Variants in ANXA4 observed in about 807,000 individuals in gnomAD.
The protein encoded by ANXA4 is annexin A4.
A neutral mutation model predicts 49.8 loss-of-function variants in ANXA4; 39 were observed. That is an observed-to-expected ratio of 0.78 (90% confidence interval 0.61 to 1.02). ANXA4 has a LOEUF of 1.02. Among genes scored for constraint, ANXA4 ranks in the 50% least tolerant of loss-of-function variants. ANXA4 has a pLI of 0.00. For missense variants in ANXA4, 360 were observed against 410.1 expected (o/e 0.88, Z 1.05); for synonymous variants, 134 against 152.5 (o/e 0.88, Z 0.89).
In ANXA4 at chr2:69,806,499, G is replaced by T. The variant is rs1006154816; in HGVS notation, c.306+1G>T. 1.2e-6 allele frequency: 2 copies of T among 1,611,742 alleles called. No individual in the cohort carries two copies. The highest frequency in any genetic ancestry group is 1.6e-4 in the Middle Eastern group (1 of 6,076). On this transcript the variant is annotated splice_donor_variant, in intron 5 of 12. Transcript: ENST00000394295. LOFTEE classifies it high-confidence loss of function. ...GCAAGAGCTGCGAAGGGCCATGAAG[G>T]TCTGTGCTCTTCCTCTCGTGCTCTT...
At chr2:69,644,180 C>CG (rs1559030922), upstream of ANXA4, among the ~76,000 whole-genome samples, 2 of 76,984 alleles carry the variant, frequency 2.6e-5, no homozygotes, top group African/African-American at 8.8e-5. Flanking sequence ...CCCCCCCCCC[C>CG]CCGCTGTATG....
At chr2:69,722,223 C>T (rs560823770) in intron 3 of ANXA4, among the ~76,000 whole-genome samples, 34 of 152,238 alleles carry the variant, frequency 2.2e-4, no homozygotes, top group African/African-American at 8.2e-4. Flanking sequence ...CCTTAAAGGT[C>T]TATGGTCTAT....
intron 7 of ANXA4, among the ~76,000 whole-genome samples, chr2:69,812,131 T>G (rs12613717): frequency 0.22 from 33,512 of 150,994 alleles, 4,083 homozygotes; most frequent in East Asian, 0.38. Flanking sequence ...CTTTTTTTTT[T>G]TTTTTTTTAA....
At chr2:69,652,553 G>A (rs936073424) in intron 1 of ANXA4, among the ~76,000 whole-genome samples, 4 of 152,096 alleles carry the variant, frequency 2.6e-5, no homozygotes, top group African/African-American at 9.7e-5. Flanking sequence ...TGACTGGAAT[G>A]GGCACATTAA....
rs905278702 is a variant in ANXA4, at chr2:69,820,915, A to T, written c.906+94A>T. The T allele has an allele frequency of 3.0e-6, 4 of 1,337,972 alleles. No individual in the cohort carries two copies. In the African/African-American group the frequency reaches 5.9e-5, roughly 20 times the overall value. 82.9% of individuals were successfully genotyped at this position (1,337,972 alleles called of 1,614,324 possible). A position where few individuals can be genotyped will look rare whatever the true frequency, so the allele number is the denominator to read the frequency against. On this transcript the variant is annotated intron_variant, in intron 12 of 12. Transcript: ENST00000394295. The stretch of plus-strand genomic sequence containing the variant: ...CACTTGTTGTCCCCCTCTTCTTGGC[A>T]TATATCATTTCCCTTAAAGATTATG...
At chr2:69,648,829 A>G (rs1676106594) in intron 1 of ANXA4, among the ~76,000 whole-genome samples, 1 of 150,328 alleles carries the variant, frequency 6.7e-6, no homozygotes, top group Non-Finnish European at 1.5e-5. Context: ...TCAAAAAAAA[A>G]AAAAAAAAAA....
At position 69,732,367 on chromosome 2, in the gene ANXA4, C is replaced by T. The variant is rs72903010; in HGVS notation, n.864+11496C>T. On this transcript the variant is annotated intron_variant and non_coding_transcript_variant, in intron 3 of 3. Transcript: ENST00000418066. ...TCGCTGTGTCTGTAGATCAGGTAAACGAGAAGTTCTGAGAATATCTAATAT... is the reference window on the plus strand; with the variant it reads ...TCGCTGTGTCTGTAGATCAGGTAAATGAGAAGTTCTGAGAATATCTAATAT... Among the ~76,000 whole-genome samples the T allele has an allele frequency of 7.5e-3, 1,140 of 152,090 alleles. 15 individuals are homozygous for T. The highest frequency in any genetic ancestry group is 0.023 in the African/African-American group (968 of 41,504).
At position 69,757,241 on chromosome 2, in the gene ANXA4, TATATA is replaced by T. The variant is rs1559149984; in HGVS notation, c.-47+15067_-47+15071del. The stretch of plus-strand genomic sequence containing the variant: ...ACCGTGCCCAGCCATTTTTGTTTTA[TATATA>T]TATATATATATATATATATATTTTT... On this transcript the variant is annotated intron_variant, in intron 1 of 12. Coordinates refer to ENST00000394295, the MANE Select transcript of ANXA4 (RefSeq NM_001153.5). Among the ~76,000 whole-genome samples the T allele has an allele frequency of 3.8e-3, 216 of 56,960 alleles. 5 individuals carry two copies. The highest frequency in any genetic ancestry group is 0.016 in the African/African-American group (207 of 12,950). 37.4% of individuals were successfully genotyped at this position (56,960 alleles called of 152,430 possible).
intron 1 of ANXA4, among the ~76,000 whole-genome samples, chr2:69,776,972 C>T (rs1264552528): frequency 6.6e-6 from 1 of 152,174 alleles, no homozygotes; most frequent in Non-Finnish European, 1.5e-5. Flanking sequence ...GTTCCCATGA[C>T]CCCCTGTTGA....
intron 2 of ANXA4, among the ~76,000 whole-genome samples, 177 bp downstream of exon 2, chr2:69,781,751 G>A (rs1672208339): frequency 6.6e-6 from 1 of 152,136 alleles, no homozygotes; most frequent in Admixed American, 6.5e-5. Flanking sequence ...GGGGTGGTAA[G>A]CAACTTGACC....
At chr2:69,667,121 A>C (rs979409300) in intron 2 of ANXA4, among the ~76,000 whole-genome samples, 6 of 152,104 alleles carry the variant, frequency 3.9e-5, no homozygotes, top group South Asian at 2.1e-4. Flanking sequence ...AACTCTATGG[A>C]GATAGAAATT....
At chr2:69,781,372 A>G in intron 1 of ANXA4, 148 bp from the exon 2 acceptor site, 1 of 648,134 alleles carries the variant, frequency 1.5e-6, no homozygotes, top group South Asian at 1.9e-5. Flanking sequence ...CATTCCTTGT[A>G]TCTTTGGCTA....
At chr2:69,810,567 A>T (rs1426639528) in intron 6 of ANXA4, 27 bp from the exon 7 acceptor site, 6 of 1,595,640 alleles carry the variant, frequency 3.8e-6, no homozygotes, top group Non-Finnish European at 5.2e-6. Flanking sequence ...CTTAATTCTG[A>T]AGTAGCTAAT....
intron 2 of ANXA4, among the ~76,000 whole-genome samples, chr2:69,678,152 T>C (rs891237191): frequency 2.0e-5 from 3 of 152,174 alleles, no homozygotes; most frequent in Admixed American, 6.5e-5. Context: ...GGTTTATCTG[T>C]ACACGTTTTG....
intron 1 of ANXA4, among the ~76,000 whole-genome samples, chr2:69,774,172 G>A (rs976004697): frequency 1.3e-5 from 2 of 151,930 alleles, no homozygotes; most frequent in Non-Finnish European, 2.9e-5. Flanking sequence ...AGACTAGTCC[G>A]TGACTCTCTG....
intron 2 of ANXA4, among the ~76,000 whole-genome samples, chr2:69,694,723 T>C (rs927804532): frequency 2.0e-5 from 3 of 152,024 alleles, no homozygotes; most frequent in Non-Finnish European, 4.4e-5. Flanking sequence ...CTATGGCAGC[T>C]CAGATGGACT....
At chr2:69,646,639 G>A (rs772237438) in intron 1 of ANXA4, among the ~76,000 whole-genome samples, 11 of 152,172 alleles carry the variant, frequency 7.2e-5, no homozygotes, top group Non-Finnish European at 1.5e-4. Context: ...GCAATAAGAT[G>A]CCAAATTATA....
intron 2 of ANXA4, among the ~76,000 whole-genome samples, chr2:69,673,687 GACAC>G (rs72114703): frequency 0.16 from 22,823 of 138,950 alleles, 1,854 homozygotes; most frequent in Non-Finnish European, 0.19. Flanking sequence ...TTTTTTCAAA[GACAC>G]ACACACACAC....
At chr2:69,769,636 G>A (rs1171149546) in intron 1 of ANXA4, among the ~76,000 whole-genome samples, 2 of 152,124 alleles carry the variant, frequency 1.3e-5, no homozygotes, top group African/African-American at 2.4e-5. Flanking sequence ...CAGAGAAGGC[G>A]TGGGATGTTT....
Sources: gnomAD v4.1 joint callset for allele counts (sites outside exome capture counted in the v4.1 genomes callset) on GRCh38, gnomAD v4.1.1 for gene constraint, MANE v1.5 for transcripts, NCBI Gene and HGNC (gene_info 2026-07-23, HGNC 2026-07-21) for gene names.